The following SERPINA11 variants were observed in gnomAD, a reference collection of about 807,000 sequenced individuals.
SERPINA11 encodes the protein serpin family A member 11.
A neutral mutation model predicts 29.4 loss-of-function variants in SERPINA11; 28 were observed. The ratio of observed to expected loss-of-function variants is 0.95; its 90% confidence interval spans 0.70 to 1.30. SERPINA11 has a LOEUF of 1.30. Ranked by LOEUF, SERPINA11 falls within the 50% of genes most tolerant of loss-of-function variation. SERPINA11 has a pLI of 0.00. For synonymous variants in SERPINA11, 253 were observed against 206.6 expected (o/e 1.22, Z -1.92); for missense variants, 530 against 507.3 (o/e 1.04, Z -0.43).
At chr14:94,450,678 T>C (rs1168615383) in intron 1 of SERPINA11, among the ~76,000 whole-genome samples, 2 of 152,216 alleles carry the variant, frequency 1.3e-5, no homozygotes, top group Non-Finnish European at 2.9e-5. Flanking sequence ...TGATATCTCT[T>C]GTGCTTTATT....
chr14:94,445,749 T>C (rs744331), intron 3 of SERPINA11, among the ~76,000 whole-genome samples: 2 of 149,508 alleles, frequency 1.3e-5, no homozygotes, highest in African/African-American at 2.4e-5. Flanking sequence ...TGTTTTTTTT[T>C]CATTTTGCAT....
rs745731995 is a variant in SERPINA11, at chr14:94,442,828, T to G, written c.1066-19A>C. 1.3e-6 allele frequency: 2 copies of G among 1,577,942 alleles called. No individual in the cohort carries two copies. The highest frequency in any genetic ancestry group is 2.3e-5 in the South Asian group (2 of 85,290). ...GTGACACCTAGAGGACAAGAGGAGA[T>G]GAAGACAGCATCAGTTTGGGGGCCT... On this transcript the variant is annotated intron_variant, in intron 4 of 4. Transcript: ENST00000334708.
chr14:94,448,913 T>G (rs1898502713), intron 1 of SERPINA11, 136 bp from the exon 2 acceptor site: 1 of 726,026 alleles, frequency 1.4e-6, no homozygotes, highest in Non-Finnish European at 2.0e-6. Flanking sequence ...GACAAGGCTG[T>G]GGATGATTAG....
intron 3 of SERPINA11, among the ~76,000 whole-genome samples, chr14:94,444,100 C>G (rs181950772): frequency 6.6e-6 from 1 of 152,242 alleles, no homozygotes; most frequent in African/African-American, 2.4e-5. Flanking sequence ...AGGAGGACAT[C>G]TAGGGCTATT....
In SERPINA11 at chr14:94,448,378, G is replaced by A. The variant is rs1179956698; in HGVS notation, c.397C>T (p.Leu133Phe). The A allele has an allele frequency of 2.5e-6, 4 of 1,614,104 alleles. No homozygotes were observed. Among genetic ancestry groups the A allele is most frequent in the Non-Finnish European group, 3.4e-6 (4 of 1,180,056 alleles). Residue 133 changes from leucine to phenylalanine, a missense_variant, in exon 2 of 5, where the codon CTC becomes TTC. Leu to Phe is a conservative substitution (Grantham distance 22, BLOSUM62 0). Transcript: ENST00000334708. ...AGGGAGTTTCCTACTTTTAGTTCGA[G>A]TTTGGGGCTGGGCAGGGCAAGGGTG... ...LHTLALPSPK[L>F]ELKVGNSLFL...
Position 94,446,070 on chromosome 14 carries a change from C to T in SERPINA11, c.917+261G>A, listed in dbSNP as rs183526339. Among the ~76,000 whole-genome samples, 190 of 152,258 alleles carry T rather than the reference C, an allele frequency of 1.2e-3. 2 individuals carry two copies. The highest frequency in any genetic ancestry group is 1.4e-3 in the Non-Finnish European group (97 of 68,030). Reference sequence around the variant, plus strand: ...CCTGGTGAGCACTTCTTATGCTCCACGTACCAGTCTAAGTTCTACATTCTC... The same window carrying T: ...CCTGGTGAGCACTTCTTATGCTCCATGTACCAGTCTAAGTTCTACATTCTC... On this transcript the variant is annotated intron_variant, in intron 3 of 4. Coordinates refer to ENST00000334708, the MANE Select transcript of SERPINA11 (RefSeq NM_001080451.2).
intron 2 of SERPINA11, among the ~76,000 whole-genome samples, chr14:94,447,883 G>A (rs1430911023): frequency 6.6e-6 from 1 of 152,170 alleles, no homozygotes; most frequent in African/African-American, 2.4e-5. Flanking sequence ...TCTCAAGTCT[G>A]GATGGGTGTC....
intron 1 of SERPINA11, among the ~76,000 whole-genome samples, chr14:94,450,177 T>G (rs1270332234): frequency 6.6e-6 from 1 of 152,146 alleles, no homozygotes; most frequent in Admixed American, 6.6e-5. Context: ...TCTATTTTTT[T>G]TATTGCCTCA....
chr14:94,449,406 ATTCTTTCTTTCTTTCTTTCT>A lies in SERPINA11; in HGVS notation c.-3-649_-3-630del, dbSNP rs869124586. Among the ~76,000 whole-genome samples the A allele has an allele frequency of 6.1e-3, 247 of 40,694 alleles. 4 individuals carry two copies. Among genetic ancestry groups the A allele is most frequent in the Middle Eastern group, 0.011 (1 of 88 alleles). The allele number at this position is 40,694 out of a possible 152,430, so 26.7% of individuals were successfully genotyped here. A position where few individuals can be genotyped will look rare whatever the true frequency, so the allele number is the denominator to read the frequency against. Reference sequence around the variant, plus strand: ...CCTCCCTCCCTCTTTCTTTCTTTCTATTCTTTCTTTCTTTCTTTCTTTCTTTCTTTCTTTCTTTCTTTCTT... The same window carrying A: ...CCTCCCTCCCTCTTTCTTTCTTTCTATTCTTTCTTTCTTTCTTTCTTTCTT... On this transcript the variant is annotated intron_variant, in intron 1 of 4. Coordinates refer to ENST00000334708, the MANE Select transcript of SERPINA11 (RefSeq NM_001080451.2).
chr14:94,446,668 C>T lies in SERPINA11; in HGVS notation c.644-64G>A, dbSNP rs1315988156. On this transcript the variant is annotated intron_variant, in intron 2 of 4. Transcript: ENST00000334708. The stretch of plus-strand genomic sequence containing the variant: ...TCAAGAGAGCAACTCTGGGTAGACA[C>T]ACACAAAACCACAGTTCCTCTTGGC... 7.5e-6 allele frequency: 11 copies of T among 1,465,986 alleles called. No individual in the cohort carries two copies. The Admixed American group carries it at 2.3e-4, about 30-fold the overall frequency. 90.8% of individuals were successfully genotyped at this position (1,465,986 alleles called of 1,614,324 possible). A position where few individuals can be genotyped will look rare whatever the true frequency, so the allele number is the denominator to read the frequency against.
intron 3 of SERPINA11, among the ~76,000 whole-genome samples, chr14:94,443,792 G>A (rs906716020): frequency 2.6e-5 from 4 of 152,208 alleles, no homozygotes; most frequent in Admixed American, 1.3e-4. Context: ...GATCATGTGT[G>A]TTGGGCATAG....
Position 94,449,479 on chromosome 14 carries a change from TTCTGTCTGTCTG to T in SERPINA11, c.-3-714_-3-703del, listed in dbSNP as rs74659285. ...TTTCTTTCTTTCTTTCTTTCTTTCT[TTCTGTCTGTCTG>T]TCTTTCTTTCTCTTTCTTTTTCTTT... On this transcript the variant is annotated intron_variant, in intron 1 of 4. Transcript: ENST00000334708. Among the ~76,000 whole-genome samples, 149 of 84,850 alleles carry T rather than the reference TTCTGTCTGTCTG, an allele frequency of 1.8e-3. 9 individuals carry two copies. Among genetic ancestry groups the T allele is most frequent in the African/African-American group, 8.3e-3 (116 of 14,014 alleles). The allele number at this position is 84,850 out of a possible 152,430, so 55.7% of individuals were successfully genotyped here.
intron 2 of SERPINA11, among the ~76,000 whole-genome samples, chr14:94,447,733 T>C (rs1410961225): frequency 6.6e-6 from 1 of 151,860 alleles, no homozygotes; most frequent in Non-Finnish European, 1.5e-5. Context: ...TGCAATGATA[T>C]CTCTTTTCCC....
At position 94,448,326 on chromosome 14, in the gene SERPINA11, C is replaced by T. The variant is rs527979379; in HGVS notation, c.449G>A (p.Arg150Gln). The stretch of plus-strand genomic sequence containing the variant: ...CTTGATGCTGTCCAAATAGTGCTGC[C>T]GAGGCTTTAGTCGCTTGTCTAGGAA... Reference protein sequence around the residue: ...SLFLDKRLKPRQHYLDSIKEL... With the variant: ...SLFLDKRLKPQQHYLDSIKEL... Residue 150 changes from arginine (R) to glutamine (Q), a missense_variant, in exon 2 of 5, where the codon CGG (arginine) becomes CAG (glutamine). Transcript: ENST00000334708. 1.4e-5 allele frequency: 23 copies of T among 1,614,214 alleles called. No homozygotes were observed. Among genetic ancestry groups the T allele is most frequent in the South Asian group, 8.8e-5 (8 of 91,080 alleles).
rs143786843 is a variant in SERPINA11, at chr14:94,442,793, A to G, written c.1082T>C (p.Met361Thr). The change falls in exon 5 of 5, where the codon ATG (methionine) becomes ACG (threonine). Residue 361 changes from methionine (M) to threonine (T), a missense_variant. Transcript: ENST00000334708. Reference sequence around the variant, plus strand: ...GGTCCCCTTCTCACTCATGTCCACCATCGCCTTGTGTGACACCTAGAGGAC... The same window carrying G: ...GGTCCCCTTCTCACTCATGTCCACCGTCGCCTTGTGTGACACCTAGAGGAC... ...KTISKVSHKA[M>T]VDMSEKGTEA... is the part of the protein sequence containing the mutation. 113 of 1,608,608 alleles carry G rather than the reference A, an allele frequency of 7.0e-5. No homozygotes were observed. In the African/African-American group the frequency reaches 1.2e-3, roughly 17 times the overall value.
intron 2 of SERPINA11, 27 bp from the exon 3 acceptor site, chr14:94,446,631 TGAGAACTCTTTTCAA>T: frequency 6.3e-7 from 1 of 1,593,992 alleles, no homozygotes; most frequent in South Asian, 1.1e-5. Context: ...CATAAGGCCA[TGAGAACTCTTTTCAA>T]GAGAGCAACT....
chr14:94,446,466 C>A lies in SERPINA11; in HGVS notation c.782G>T (p.Cys261Phe). The A allele has an allele frequency of 1.2e-6, 2 of 1,614,178 alleles. No homozygotes were observed. The highest frequency in any genetic ancestry group is 1.7e-6 in the Non-Finnish European group (2 of 1,180,004). Residue 261 changes from cysteine (C) to phenylalanine (F), a missense_variant, in exon 3 of 5, where the codon TGC becomes TTC. Physicochemically the swap from Cys to Phe is radical, Grantham distance 205. Coordinates refer to ENST00000334708, the MANE Select transcript of SERPINA11 (RefSeq NM_001080451.2). ...TCTGTATTCTATCTGGAGGACGGTG[C>A]AAGCCAAATCCTGGTCATAGAGGAA... ...HRFLYDQDLA[C>F]TVLQIEYRGN...
At chr14:94,446,677 C>A in intron 2 of SERPINA11, 73 bp from the exon 3 acceptor site, 2 of 1,441,366 alleles carry the variant, frequency 1.4e-6, no homozygotes, top group Non-Finnish European at 9.4e-7. Context: ...ACACACAAAA[C>A]CACAGTTCCT....
Position 94,444,913 on chromosome 14 carries a change from C to A in SERPINA11, c.917+1418G>T, listed in dbSNP as rs1898408312. Among the ~76,000 whole-genome samples, 3 of 152,212 alleles carry A rather than the reference C, an allele frequency of 2.0e-5. No homozygotes were observed. In the South Asian group the frequency reaches 6.2e-4, roughly 32 times the overall value. On this transcript the variant is annotated intron_variant, in intron 3 of 4. Coordinates refer to ENST00000334708, the MANE Select transcript of SERPINA11 (RefSeq NM_001080451.2). ...TCCAACCACCCATTGGCTCTGCCAC[C>A]AATACAATGTGGCAGAAGTGCCACT... is the stretch of plus-strand genomic sequence containing the variant.
Sources: allele counts gnomAD v4.1 joint callset (sites outside exome capture counted in the v4.1 genomes callset), GRCh38; gene constraint gnomAD v4.1.1; transcripts MANE v1.5; gene names NCBI Gene and HGNC (gene_info 2026-07-23, HGNC 2026-07-21).